Variants in SVIL observed in about 807,000 individuals in gnomAD.
SVIL encodes supervillin, also known as archvillin.
Under a neutral mutation model 240.4 loss-of-function variants are expected in SVIL, and 101 were observed. The ratio of observed to expected loss-of-function variants is 0.42; its 90% CI spans 0.36 to 0.50. The LOEUF is 0.50. Among genes scored for constraint, SVIL ranks in the 20% least tolerant of loss-of-function variants. The pLI is 0.01. For synonymous variants in SVIL, 999 were observed against 1,100.0 expected, an observed-to-expected ratio of 0.91 and a Z score of 1.82; for missense variants, 2,512 against 2,818.7, an observed-to-expected ratio of 0.89 and a Z score of 2.46.
At chr10:29,720,394 A>G (rs1002886561) in intron 1 of SVIL, among the ~76,000 whole-genome samples, 6 of 152,178 alleles carry the variant, frequency 3.9e-5, no homozygotes, top group African/African-American at 1.4e-4. Context: ...AGCTTCCAAA[A>G]ATAAAACTGT....
intron 13 of SVIL, 151 bp from the exon 14 acceptor site, chr10:29,524,866 A>C (rs1950794103): frequency 4.1e-6 from 5 of 1,229,524 alleles, no homozygotes; most frequent in Non-Finnish European, 2.2e-6. Flanking sequence ...GCAGCTGTTC[A>C]GCTACTCAAC....
rs148869474 is a variant in SVIL at position 29,706,168 on chromosome 10, T to C, written c.-399-19517A>G. ...AGAATGATTTATATTCCTTGGGGTA[T>C]ATATTCAGTAATGGGATTGCTGGGT... On this transcript the variant is annotated intron_variant, in intron 1 of 35. Coordinates refer to the SVIL transcript ENST00000375400. 6.5e-3 allele frequency among the ~76,000 whole-genome samples: 990 copies of C among 152,308 alleles called. 14 individuals are homozygous for C. The highest frequency in any genetic ancestry group is 0.023 in the African/African-American group (960 of 41,556).
At chr10:29,460,239 T>C (rs1944085951) in intron 36 of SVIL, among the ~76,000 whole-genome samples, 1 of 152,180 alleles carries the variant, frequency 6.6e-6, no homozygotes, top group Non-Finnish European at 1.5e-5. Context: ...ATAAGATATC[T>C]TGATGGACTG....
At chr10:29,567,983 C>T (rs1955113791) in intron 2 of SVIL, among the ~76,000 whole-genome samples, 2 of 149,850 alleles carry the variant, frequency 1.3e-5, no homozygotes, top group African/African-American at 4.9e-5. Flanking sequence ...CGTCACTGCA[C>T]TCCAGCCTGG....
rs148234554 is a variant in SVIL at position 29,503,687 on chromosome 10, T to C, written c.3517-4424A>G. 6.7e-3 allele frequency among the ~76,000 whole-genome samples: 1,025 copies of C among 152,338 alleles called. 11 individuals are homozygous for C. Among genetic ancestry groups the C allele is most frequent in the South Asian group, 0.045 (219 of 4,830 alleles). On this transcript the variant is annotated intron_variant, in intron 17 of 37. Coordinates refer to ENST00000355867, the MANE Select transcript of SVIL (RefSeq NM_021738.3). ...ATGAAACAGAAATGCCTTTGGCAAA[T>C]GTTAATTTCCTTTAAACTTAACAAT...
intron 1 of SVIL, among the ~76,000 whole-genome samples, chr10:29,699,335 C>T (rs573623151): frequency 1.4e-5 from 2 of 142,904 alleles, no homozygotes; most frequent in South Asian, 2.3e-4. Flanking sequence ...GATGGAGTCT[C>T]GCTCTGTCAC....
intron 1 of SVIL, among the ~76,000 whole-genome samples, chr10:29,726,343 T>A (rs762879726): frequency 6.6e-6 from 1 of 152,204 alleles, no homozygotes; most frequent in African/African-American, 2.4e-5. Context: ...ATCCTGTCAT[T>A]TATGGCAAAA....
chr10:29,468,107 C>CGAGAAGCCCTGTACCT (rs905655449), intron 32 of SVIL, among the ~76,000 whole-genome samples: 1 of 151,968 alleles, frequency 6.6e-6, no homozygotes, highest in African/African-American at 2.4e-5. Context: ...GCCCTGTACC[C>CGAGAAGCCCTGTACCT]GTTAGCAGTC....
chr10:29,653,022 G>A (rs376034640), intron 3 of SVIL, among the ~76,000 whole-genome samples: 329 of 138,120 alleles, frequency 2.4e-3, no homozygotes, highest in African/African-American at 8.5e-3. Context: ...TTTCTGAGTC[G>A]TTCTCGCTAT....
At chr10:29,619,632 C>T (rs1033027355) in intron 1 of SVIL, among the ~76,000 whole-genome samples, 2 of 76,270 alleles carry the variant, frequency 2.6e-5, no homozygotes, top group Non-Finnish European at 6.9e-5. Flanking sequence ...TTTTAAAGGC[C>T]AGCACACACA....
rs762270734 is a variant in SVIL, at chr10:29,523,909, T to C, written c.2705A>G (p.His902Arg). 1 of 1,614,202 alleles carries C rather than the reference T, an allele frequency of 6.2e-7. No individual in the cohort carries two copies. The highest frequency in any genetic ancestry group is 1.1e-5 in the South Asian group (1 of 91,084). Residue 902 changes from histidine (H) to arginine (R), a missense_variant, in exon 15 of 38, where the codon CAC becomes CGC. Around this residue, in one of 3 missense-constraint regions of SVIL, gnomAD observed 1,443 missense variants for 1,486.6 expected, o/e 0.97. Coordinates refer to ENST00000355867, the MANE Select transcript of SVIL (RefSeq NM_021738.3). Reference sequence around the variant, plus strand: ...CTTATAGTCAGTGGCACTTGCATTGTGGTCAAGAGGTGGCTTTGTGCGAAG... The same window carrying C: ...CTTATAGTCAGTGGCACTTGCATTGCGGTCAAGAGGTGGCTTTGTGCGAAG... ...GDLRTKPPLD[H>R]NASATDYKFS... is the part of the protein sequence containing the mutation.
Position 29,473,843 on chromosome 10 carries a change from C to G in SVIL, c.5524G>C (p.Ala1842Pro), listed in dbSNP as rs774975860. ...MTVELDEERG[A>P]QVQVLQGKEP... ...CAGAGCTCCCCAGGACTCACCTGGG[C>G]CCCCCTTTCCTCGTCCAGCTCCACC... Residue 1842 changes from alanine to proline, a missense_variant, in exon 30 of 38, where the codon GCC (alanine) becomes CCC (proline). Ala to Pro is a conservative substitution (Grantham distance 27). Around this residue, in one of 3 missense-constraint regions of SVIL, gnomAD observed 797 missense variants for 925.3 expected, o/e 0.86. Coordinates refer to ENST00000355867, the MANE Select transcript of SVIL (RefSeq NM_021738.3). 2 of 1,613,674 alleles carry G rather than the reference C, an allele frequency of 1.2e-6. No individual in the cohort carries two copies. Among genetic ancestry groups the G allele is most frequent in the African/African-American group, 2.7e-5 (2 of 74,860 alleles).
chr10:29,465,220 C>T (rs1446814776), intron 34 of SVIL, among the ~76,000 whole-genome samples: 3 of 152,150 alleles, frequency 2.0e-5, no homozygotes, highest in Admixed American at 2.0e-4. Flanking sequence ...CTCTTTCTAT[C>T]TTGAATGCAA....
At chr10:29,712,850 G>A (rs1963381731) in intron 1 of SVIL, among the ~76,000 whole-genome samples, 1 of 152,144 alleles carries the variant, frequency 6.6e-6, no homozygotes, top group Non-Finnish European at 1.5e-5. Context: ...GGAAATAAAT[G>A]CAACAAGATA....
chr10:29,679,559 C>T (rs1235438680), intron 2 of SVIL, among the ~76,000 whole-genome samples: 1 of 140,828 alleles, frequency 7.1e-6, no homozygotes, highest in Non-Finnish European at 1.5e-5. Flanking sequence ...TTTTCTTTTC[C>T]TTTTTTTTTT....
chr10:29,731,794 T>C (rs1964636377), intron 1 of SVIL, among the ~76,000 whole-genome samples: 1 of 152,222 alleles, frequency 6.6e-6, no homozygotes, highest in Non-Finnish European at 1.5e-5. Context: ...AAGGCGCCTG[T>C]CTTTTTACCT....
intron 6 of SVIL, among the ~76,000 whole-genome samples, chr10:29,543,594 A>G (rs1402892748): frequency 1.3e-5 from 2 of 151,640 alleles, no homozygotes; most frequent in Non-Finnish European, 2.9e-5. Context: ...TTAGTTTCTA[A>G]CCATTGTTCC....
chr10:29,720,049 C>T (rs981561923), intron 1 of SVIL, among the ~76,000 whole-genome samples: 6 of 152,034 alleles, frequency 3.9e-5, no homozygotes, highest in African/African-American at 1.4e-4. Flanking sequence ...ACAAACAAAA[C>T]ATCTTAAAAG....
At chr10:29,478,974 T>G (rs1946529155) in intron 29 of SVIL, among the ~76,000 whole-genome samples, 1 of 147,148 alleles carries the variant, frequency 6.8e-6, no homozygotes, top group African/African-American at 2.5e-5. Context: ...GAAAGAAATG[T>G]CCCTCCCATT....
Sources: allele counts gnomAD v4.1 joint callset (sites outside exome capture counted in the v4.1 genomes callset), GRCh38; gene constraint gnomAD v4.1.1; regional missense constraint gnomAD v4.1.1; transcripts MANE v1.5; gene names NCBI Gene and HGNC (gene_info 2026-07-23, HGNC 2026-07-21).